DPP6: variants seen among roughly 807,000 people sequenced by gnomAD.
DPP6 encodes dipeptidyl peptidase like 6, also known as A-type potassium channel modulatory protein DPP6.
Under a neutral mutation model 122.6 loss-of-function variants are expected in DPP6, and 69 were observed. The observed-to-expected ratio is 0.56, with a 90% CI of 0.46 to 0.69. DPP6 has a LOEUF of 0.69. Ranked by LOEUF, DPP6 falls within the 30% of genes least tolerant of loss-of-function variation. DPP6 has a pLI of 0.00. For missense variants in DPP6, 928 were observed against 1,116.9 expected (o/e 0.83, Z 2.41); for synonymous variants, 418 against 433.1 (o/e 0.97, Z 0.43).
intron 6 of DPP6, among the ~76,000 whole-genome samples, chr7:154,651,840 AGCCCC>A (rs1836896553): frequency 6.6e-6 from 1 of 152,158 alleles, no homozygotes; most frequent in South Asian, 2.1e-4. Flanking sequence ...GTGCCCCCAC[AGCCCC>A]AGGATGCTGG....
chr7:154,093,195 C>A, intron 1 of DPP6, among the ~76,000 whole-genome samples: 1 of 149,928 alleles, frequency 6.7e-6, no homozygotes, highest in African/African-American at 2.5e-5. Flanking sequence ...ACATGCCACA[C>A]AACTTACATA....
At chr7:153,864,357 A>C in the DPP6 span, among the ~76,000 whole-genome samples, 1 of 152,158 alleles carries the variant, frequency 6.6e-6, no homozygotes, top group Non-Finnish European at 1.5e-5. Flanking sequence ...TTACGTTTTA[A>C]AAAATATATG....
At chr7:154,551,881 C>T (rs982734334) in intron 4 of DPP6, among the ~76,000 whole-genome samples, 2 of 152,066 alleles carry the variant, frequency 1.3e-5, no homozygotes, top group African/African-American at 4.8e-5. Context: ...GAGATAGTTG[C>T]GAATATCCTT....
intron 8 of DPP6, among the ~76,000 whole-genome samples, chr7:154,762,193 C>A (rs979639988): frequency 6.6e-6 from 1 of 152,152 alleles, no homozygotes; most frequent in African/African-American, 2.4e-5. Context: ...TATAACACAC[C>A]CTTTATGACC....
chr7:154,709,051 A>AG (rs1840998299), intron 7 of DPP6, among the ~76,000 whole-genome samples: 1 of 152,178 alleles, frequency 6.6e-6, no homozygotes, highest in Non-Finnish European at 1.5e-5. Flanking sequence ...CTGTCTCAAA[A>AG]AATAAATAAA....
intron 1 of DPP6, among the ~76,000 whole-genome samples, chr7:154,394,695 C>G (rs1814932736): frequency 6.6e-6 from 1 of 152,038 alleles, no homozygotes; most frequent in South Asian, 2.1e-4. Context: ...TTTGCCCTGT[C>G]TTTTCTTTTA....
intron 17 of DPP6, 142 bp from the exon 18 acceptor site, chr7:154,867,849 GTTTC>G: frequency 1.7e-6 from 2 of 1,144,916 alleles, no homozygotes; most frequent in Non-Finnish European, 2.3e-6. Context: ...TTAATGCCCA[GTTTC>G]TTTTTCTGTA....
chr7:154,369,543 A>G (rs561176264), intron 1 of DPP6, among the ~76,000 whole-genome samples: 24 of 152,120 alleles, frequency 1.6e-4, no homozygotes, highest in East Asian at 1.6e-3. Context: ...TAATTTTTGT[A>G]TTAGTAGAGG....
intron 10 of DPP6, among the ~76,000 whole-genome samples, chr7:154,774,355 C>A (rs1277701247): frequency 6.6e-6 from 1 of 152,202 alleles, no homozygotes; most frequent in East Asian, 1.9e-4. Context: ...CTTTCAGCCC[C>A]CATCCCTGCC....
At chr7:154,412,807 G>A (rs1276675648) in intron 1 of DPP6, among the ~76,000 whole-genome samples, 2 of 152,092 alleles carry the variant, frequency 1.3e-5, no homozygotes, top group Non-Finnish European at 2.9e-5. Context: ...CCCTGCCCAG[G>A]GCACACACTG....
intron 1 of DPP6, among the ~76,000 whole-genome samples, chr7:154,042,969 T>C (rs1166813260): frequency 1.3e-5 from 2 of 152,226 alleles, no homozygotes; most frequent in Non-Finnish European, 2.9e-5. Flanking sequence ...GGAGACTGTT[T>C]TTAGTCATAT....
intron 5 of DPP6, among the ~76,000 whole-genome samples, chr7:154,629,418 A>G (rs1001309797): frequency 3.3e-5 from 5 of 149,466 alleles, no homozygotes; most frequent in African/African-American, 1.2e-4. Context: ...CTTTTTTACC[A>G]CCCAGTCTCT....
chr7:154,728,989 A>C (rs1057274122), intron 8 of DPP6, among the ~76,000 whole-genome samples: 2 of 152,152 alleles, frequency 1.3e-5, no homozygotes, highest in Non-Finnish European at 2.9e-5. Flanking sequence ...ATTTGGGGGG[A>C]CACAGACATT....
chr7:154,167,662 A>AG (rs551656737), intron 1 of DPP6, among the ~76,000 whole-genome samples: 150 of 152,256 alleles, frequency 9.9e-4, no homozygotes, highest in African/African-American at 3.5e-3. Flanking sequence ...AGCTGTTTTC[A>AG]GGGGGGCATT....
At chr7:154,883,758 C>T (rs546176092) in intron 21 of DPP6, 1 of 149,098 alleles carries the variant, frequency 6.7e-6, no homozygotes, top group Non-Finnish European at 1.5e-5. Context: ...ACTACATACA[C>T]CTACTCACAC....
chr7:153,924,011 T>C (rs1199415442), intron 1 of DPP6, among the ~76,000 whole-genome samples: 2 of 152,182 alleles, frequency 1.3e-5, no homozygotes, highest in Non-Finnish European at 2.9e-5. Context: ...TGAACATACG[T>C]GTCTACAGTC....
chr7:154,530,792 T>G (rs186568463), intron 3 of DPP6, among the ~76,000 whole-genome samples: 1 of 152,204 alleles, frequency 6.6e-6, no homozygotes, highest in East Asian at 1.9e-4. Context: ...ACATATACAC[T>G]ATGGAATACT....
intron 1 of DPP6, among the ~76,000 whole-genome samples, chr7:154,164,957 G>A (rs554769410): frequency 3.3e-4 from 50 of 152,088 alleles, no homozygotes; most frequent in Middle Eastern, 6.8e-3. Context: ...GGATATAACT[G>A]TTAGATTTAT....
chr7:153,800,911 G>A, the DPP6 span, among the ~76,000 whole-genome samples: 1 of 152,214 alleles, frequency 6.6e-6, no homozygotes, highest in African/African-American at 2.4e-5. Flanking sequence ...TTGAGGTGAT[G>A]GATATGCTAA....
Sources: gnomAD v4.1 joint callset for allele counts (sites outside exome capture counted in the v4.1 genomes callset) on GRCh38, gnomAD v4.1.1 for gene constraint, MANE v1.5 for transcripts, NCBI Gene and HGNC (gene_info 2026-07-23, HGNC 2026-07-21) for gene names.